Variants in CCDC27 observed in about 807,000 individuals in gnomAD.
CCDC27 encodes coiled-coil domain-containing protein 27.
Under a neutral mutation model 80.3 loss-of-function variants are expected in CCDC27, and 80 were observed. The observed-to-expected ratio is 1.00, with a 90% CI of 0.83 to 1.20. CCDC27 has a LOEUF of 1.20. CCDC27 is among the 50% of genes most tolerant of loss of function. CCDC27 has a pLI of 0.00. For synonymous variants in CCDC27, 342 were observed against 334.3 expected, an observed-to-expected ratio of 1.02 and a Z score of -0.25; for missense variants, 815 against 809.4, an observed-to-expected ratio of 1.01 and a Z score of -0.08.
Position 3,763,092 on chromosome 1 carries a change from C to A in CCDC27, c.955-16C>A. 2 of 1,465,896 alleles carry A rather than the reference C, an allele frequency of 1.4e-6. No homozygotes were observed. The highest frequency in any genetic ancestry group is 1.8e-6 in the Non-Finnish European group (2 of 1,107,580). The allele number at this position is 1,465,896 out of a possible 1,614,324, so 90.8% of individuals were successfully genotyped here. A position where few individuals can be genotyped will look rare whatever the true frequency, so the allele number is the denominator to read the frequency against. Reference sequence around the variant, plus strand: ...CCCCGCAGCCCTGCCCAGCCCCTGCCCTACCCATCTTACAGATGCAGGAGG... The same window carrying A: ...CCCCGCAGCCCTGCCCAGCCCCTGCACTACCCATCTTACAGATGCAGGAGG... On this transcript the variant is annotated splice_polypyrimidine_tract_variant and intron_variant, in intron 6 of 11. Transcript: ENST00000294600. This position sits in a 1 kb window ranked among gnomAD's most constrained non-coding sequence, Gnocchi z 7.5.
intron 4 of CCDC27, 187 bp downstream of exon 4, chr1:3,757,077 C>A (rs145238280): frequency 4.9e-6 from 3 of 616,810 alleles, no homozygotes; most frequent in East Asian, 6.3e-5. Context: ...TGTCCATCCT[C>A]ACCCCAGTGG....
At position 3,761,481 on chromosome 1, in the gene CCDC27, C is replaced by A; in HGVS notation, c.861+51C>A. ...CGCAGAGCTCTAAGACGGTTGTTTTCAAAGCGTCCAAAGCTGCTAGTGACA... is the reference window on the plus strand; with the variant it reads ...CGCAGAGCTCTAAGACGGTTGTTTTAAAAGCGTCCAAAGCTGCTAGTGACA... On this transcript the variant is annotated intron_variant, in intron 5 of 11. Transcript: ENST00000294600. The surrounding 1 kb of genome is among the most constrained non-coding windows in gnomAD (Gnocchi z 5.0). 1 of 1,573,568 alleles carries A rather than the reference C, an allele frequency of 6.4e-7. No individual in the cohort carries two copies. Among genetic ancestry groups the A allele is most frequent in the South Asian group, 1.2e-5 (1 of 85,986 alleles).
Position 3,758,913 on chromosome 1 carries a change from TAAA to T in CCDC27, c.711+2026_711+2028del, listed in dbSNP as rs553078938. ...TACTGGGCCCCTACAGGAGCAGTTT[TAAA>T]AATCACAAATTAGGCCAGGCACAGT... On this transcript the variant is annotated intron_variant, in intron 4 of 11. Coordinates refer to ENST00000294600, the MANE Select transcript of CCDC27 (RefSeq NM_152492.3). Among the ~76,000 whole-genome samples the T allele has an allele frequency of 6.6e-5, 10 of 152,060 alleles. No individual in the cohort carries two copies. The South Asian group carries it at 2.1e-3, about 32-fold the overall frequency.
Position 3,766,679 on chromosome 1 carries a change from A to C in CCDC27, c.1530+67A>C. 1 of 1,354,578 alleles carries C rather than the reference A, an allele frequency of 7.4e-7. No individual in the cohort carries two copies. The highest frequency in any genetic ancestry group is 1.0e-6 in the Non-Finnish European group (1 of 953,316). The allele number at this position is 1,354,578 out of a possible 1,614,324, so 83.9% of individuals were successfully genotyped here. On this transcript the variant is annotated intron_variant, in intron 9 of 11. Transcript: ENST00000294600. This position sits in a 1 kb window ranked among gnomAD's most constrained non-coding sequence, Gnocchi z 6.1. ...TTCTTACTGTAAGTCCCAACACAGC[A>C]AAGGGCAAGACGGGGCTGGAGCGTC... is the stretch of plus-strand genomic sequence containing the variant.
At chr1:3,757,870 T>G (rs1642994695) in intron 4 of CCDC27, among the ~76,000 whole-genome samples, 1 of 148,220 alleles carries the variant, frequency 6.7e-6, no homozygotes, top group Non-Finnish European at 1.5e-5. Flanking sequence ...TGCAGTGTGC[T>G]GAGATCGCGC....
In CCDC27 at chr1:3,761,070, G is replaced by T. The variant is rs1643072610; in HGVS notation, c.712-211G>T. On this transcript the variant is annotated intron_variant, in intron 4 of 11. Coordinates refer to ENST00000294600, the MANE Select transcript of CCDC27 (RefSeq NM_152492.3). The surrounding 1 kb of genome is among the most constrained non-coding windows in gnomAD (Gnocchi z 5.0). ...GGGTGCAGAGGCGCTGGAGGTGCCA[G>T]GCATGGCTGCAGTAAAGAGCTGGCA... 6.6e-6 allele frequency among the ~76,000 whole-genome samples: 1 copy of T among 152,230 alleles called. No individual in the cohort carries two copies. The highest frequency in any genetic ancestry group is 6.5e-5 in the Admixed American group (1 of 15,286).
rs781272963 is a variant in CCDC27, at chr1:3,763,831, G to A, written c.1447G>A (p.Asp483Asn). 1.4e-5 allele frequency: 23 copies of A among 1,613,862 alleles called. No homozygotes were observed. In the African/African-American group the frequency reaches 1.9e-4, roughly 13 times the overall value. ...GAGGCAGCAGCTACAAGCCATGACC[G>A]ACAAGGTGGCCGTGCGCTCAGTACC... ...ERRQQLQAMTDKFSNLREDKK... is the reference protein window; with the variant it reads ...ERRQQLQAMTNKFSNLREDKK... The change falls in exon 8 of 12, where the codon GAC becomes AAC. Residue 483 changes from aspartate to asparagine, a missense_variant. Asp to Asn is a conservative substitution (Grantham distance 23, BLOSUM62 1). Coordinates refer to ENST00000294600, the MANE Select transcript of CCDC27 (RefSeq NM_152492.3). This position sits in a 1 kb window ranked among gnomAD's most constrained non-coding sequence, Gnocchi z 7.5.
Position 3,766,472 on chromosome 1 carries a change from C to A in CCDC27, c.1453-63C>A, listed in dbSNP as rs1201224835. 1.7e-6 allele frequency: 2 copies of A among 1,191,564 alleles called. No individual in the cohort carries two copies. Among genetic ancestry groups the A allele is most frequent in the Admixed American group, 2.1e-5 (1 of 47,864 alleles). 73.8% of individuals were successfully genotyped at this position (1,191,564 alleles called of 1,614,324 possible). A position where few individuals can be genotyped will look rare whatever the true frequency, so the allele number is the denominator to read the frequency against. ...TTGGGGAAGGAAAAAAGTTAGATGC[C>A]GGAATTCAGTCTGTTATCTAAACCT... On this transcript the variant is annotated intron_variant, in intron 8 of 11. Transcript: ENST00000294600. The surrounding 1 kb of genome is among the most constrained non-coding windows in gnomAD (Gnocchi z 6.1).
intron 6 of CCDC27, 120 bp downstream of exon 6, chr1:3,762,832 C>A: frequency 1.0e-6 from 1 of 1,004,570 alleles, no homozygotes. Context: ...CCTGGGGTGC[C>A]CCACTCCAGG....
rs146448406 is a variant in CCDC27, at chr1:3,763,857, G to A, written c.1452+21G>A. On this transcript the variant is annotated intron_variant, in intron 8 of 11. Coordinates refer to ENST00000294600, the MANE Select transcript of CCDC27 (RefSeq NM_152492.3). This position sits in a 1 kb window ranked among gnomAD's most constrained non-coding sequence, Gnocchi z 7.5. ...ACAAGGTGGCCGTGCGCTCAGTACC[G>A]GCCTCCGCTCCATGAGCATGGGCCC... is the stretch of plus-strand genomic sequence containing the variant. 1.8e-4 allele frequency: 283 copies of A among 1,611,678 alleles called. 2 individuals are homozygous for A. Among genetic ancestry groups the A allele is most frequent in the Middle Eastern group, 1.7e-3 (10 of 5,846 alleles).
chr1:3,756,954 C>G (rs1642973468), intron 4 of CCDC27, 64 bp downstream of exon 4: 1 of 1,531,600 alleles, frequency 6.5e-7, no homozygotes, highest in Non-Finnish European at 8.9e-7. Flanking sequence ...GCTGGGAGGA[C>G]AGCCCTGCTC....
At position 3,752,595 on chromosome 1, in the gene CCDC27, T is replaced by C; in HGVS notation, c.114T>C (p.Gly38=). ...RSTFRQQSSL[G]LCIPRLMLPK... Reference sequence around the variant, plus strand: ...CATTCAGGCAACAAAGCTCACTTGGTCTTTGCATCCCACGCCTCATGTTAC... The same window carrying C: ...CATTCAGGCAACAAAGCTCACTTGGCCTTTGCATCCCACGCCTCATGTTAC... The change falls in exon 1 of 12, where the codon GGT becomes GGC. Residue 38 remains glycine (G), a synonymous_variant. Coordinates refer to ENST00000294600, the MANE Select transcript of CCDC27 (RefSeq NM_152492.3). The C allele has an allele frequency of 6.2e-7, 1 of 1,614,176 alleles. No individual in the cohort carries two copies. Among genetic ancestry groups the C allele is most frequent in the Non-Finnish European group, 8.5e-7 (1 of 1,180,042 alleles).
intron 8 of CCDC27, among the ~76,000 whole-genome samples, chr1:3,764,527 C>T (rs1383862904): frequency 2.6e-5 from 4 of 152,166 alleles, no homozygotes; most frequent in Non-Finnish European, 5.9e-5. Flanking sequence ...TTTCCATCCA[C>T]CCTCCTCCTC....
At position 3,763,601 on chromosome 1, in the gene CCDC27, C is replaced by A. The variant is rs1643149467; in HGVS notation, c.1322-105C>A. On this transcript the variant is annotated intron_variant, in intron 7 of 11. Transcript: ENST00000294600. This position sits in a 1 kb window ranked among gnomAD's most constrained non-coding sequence, Gnocchi z 7.5. ...CAGGGGCAGGTGTCGGCAGCCTCAC[C>A]CAGGCTGGCAGAGCCCTCCCAGCTG... 1.3e-6 allele frequency: 2 copies of A among 1,565,088 alleles called. No homozygotes were observed. Among genetic ancestry groups the A allele is most frequent in the East Asian group, 4.5e-5 (2 of 44,362 alleles).
At position 3,761,851 on chromosome 1, in the gene CCDC27, G is replaced by A. The variant is rs1396755607; in HGVS notation, c.861+421G>A. On this transcript the variant is annotated intron_variant, in intron 5 of 11. Coordinates refer to ENST00000294600, the MANE Select transcript of CCDC27 (RefSeq NM_152492.3). This position sits in a 1 kb window ranked among gnomAD's most constrained non-coding sequence, Gnocchi z 5.0. ...GGGGCATGGAGGCCACCCTGCAGGCGGATTCCCCGGGCCTGGCTCTGTGCA... is the reference window on the plus strand; with the variant it reads ...GGGGCATGGAGGCCACCCTGCAGGCAGATTCCCCGGGCCTGGCTCTGTGCA... Among the ~76,000 whole-genome samples the A allele has an allele frequency of 2.0e-5, 3 of 152,132 alleles. No individual in the cohort carries two copies. The highest frequency in any genetic ancestry group is 2.1e-4 in the South Asian group (1 of 4,830).
intron 11 of CCDC27, among the ~76,000 whole-genome samples, chr1:3,770,517 A>C (rs367712019): frequency 6.6e-6 from 1 of 152,318 alleles, no homozygotes; most frequent in South Asian, 2.1e-4. Flanking sequence ...AGGTGTCGTA[A>C]GACTCAGAGC....
Position 3,768,298 on chromosome 1 carries a change from T to G in CCDC27, c.1743+853T>G, listed in dbSNP as rs1570721153. Reference sequence around the variant, plus strand: ...GCTTTTTGTAGAGACGGTCTCACTATGCTGTCCAGGCTGGTCTTGAACTCC... The same window carrying G: ...GCTTTTTGTAGAGACGGTCTCACTAGGCTGTCCAGGCTGGTCTTGAACTCC... On this transcript the variant is annotated intron_variant, in intron 10 of 11. Transcript: ENST00000294600. This position sits in a 1 kb window ranked among gnomAD's most constrained non-coding sequence, Gnocchi z 5.6. 6.6e-6 allele frequency among the ~76,000 whole-genome samples: 1 copy of G among 152,108 alleles called. No homozygotes were observed. The highest frequency in any genetic ancestry group is 2.4e-5 in the African/African-American group (1 of 41,422).
chr1:3,761,325 CGAG>C lies in CCDC27; in HGVS notation c.760_762del (p.Glu254del). On this transcript the variant is annotated inframe_deletion, in exon 5 of 12. Coordinates refer to ENST00000294600, the MANE Select transcript of CCDC27 (RefSeq NM_152492.3). This position sits in a 1 kb window ranked among gnomAD's most constrained non-coding sequence, Gnocchi z 5.0. ...TGGAGATACAGGTTCAGAAGAAAGA[CGAG>C]GAGATCCTGCTGCTCCAGGAGGAGA... The C allele has an allele frequency of 1.9e-6, 3 of 1,614,116 alleles. No homozygotes were observed. Among genetic ancestry groups the C allele is most frequent in the Non-Finnish European group, 2.5e-6 (3 of 1,180,032 alleles).
chr1:3,763,564 A>C lies in CCDC27; in HGVS notation c.1321+90A>C. On this transcript the variant is annotated intron_variant, in intron 7 of 11. Coordinates refer to ENST00000294600, the MANE Select transcript of CCDC27 (RefSeq NM_152492.3). The surrounding 1 kb of genome is among the most constrained non-coding windows in gnomAD (Gnocchi z 7.5). ...CGCCCAGACGCTGCCTGCTCTGGTCAGTGAGCTGGAGCAGGGGCAGGTGTC... is the reference window on the plus strand; with the variant it reads ...CGCCCAGACGCTGCCTGCTCTGGTCCGTGAGCTGGAGCAGGGGCAGGTGTC... 1 of 1,549,540 alleles carries C rather than the reference A, an allele frequency of 6.5e-7. No homozygotes were observed. The highest frequency in any genetic ancestry group is 8.7e-7 in the Non-Finnish European group (1 of 1,144,630).
Sources: allele counts gnomAD v4.1 joint callset (sites outside exome capture counted in the v4.1 genomes callset), GRCh38; gene constraint gnomAD v4.1.1; non-coding constraint Gnocchi (gnomAD v3.1); transcripts MANE v1.5; gene names NCBI Gene and HGNC (gene_info 2026-07-23, HGNC 2026-07-21).